The following COL18A1 variants were observed in gnomAD, a reference collection of about 807,000 sequenced individuals.
COL18A1 encodes collagen type XVIII alpha 1 chain.
A neutral mutation model predicts 168.0 loss-of-function variants in COL18A1; 133 were observed. The observed-to-expected ratio is 0.79, with a 90% confidence interval of 0.69 to 0.91. The LOEUF is 0.91. Among genes scored for constraint, COL18A1 ranks in the 40% least tolerant of loss-of-function variants. The pLI is 0.00. For synonymous variants in COL18A1, 949 were observed against 809.0 expected (o/e 1.17, Z -2.94); for missense variants, 2,126 against 1,925.4 (o/e 1.10, Z -1.95).
chr21:45,474,230 G>A (rs2145909773), intron 4 of COL18A1, among the ~76,000 whole-genome samples: 1 of 151,618 alleles, frequency 6.6e-6, no homozygotes, highest in East Asian at 1.9e-4. Context: ...TGAGACAGAG[G>A]ATGTGAGGCA....
chr21:45,505,443 G>C lies in COL18A1; in HGVS notation c.3087+12G>C, dbSNP rs1329266541. 1 of 1,484,232 alleles carries C rather than the reference G, an allele frequency of 6.7e-7. No individual in the cohort carries two copies. The highest frequency in any genetic ancestry group is 2.3e-5 in the East Asian group (1 of 43,472). The allele number at this position is 1,484,232 out of a possible 1,614,324, so 91.9% of individuals were successfully genotyped here. On this transcript the variant is annotated intron_variant, in intron 36 of 41. Coordinates refer to ENST00000651438, the MANE Select transcript of COL18A1 (RefSeq NM_001379500.1). ...GCGCCTCCTCAGGGGTAAGTGTCTG[G>C]GCAGCCGGCTGGGCACCTGCGTCCC... is the stretch of plus-strand genomic sequence containing the variant.
chr21:45,501,175 G>A (rs1327262537), intron 32 of COL18A1, among the ~76,000 whole-genome samples: 1 of 151,926 alleles, frequency 6.6e-6, no homozygotes, highest in Non-Finnish European at 1.5e-5. Flanking sequence ...AATGTTCATT[G>A]AGACAACGGA....
At chr21:45,464,843 G>C (rs570252762) in intron 2 of COL18A1, among the ~76,000 whole-genome samples, 6 of 152,214 alleles carry the variant, frequency 3.9e-5, no homozygotes, top group Non-Finnish European at 2.9e-5. Context: ...TCCACAGCCT[G>C]AGTCCCAGCT....
Position 45,455,424 on chromosome 21 carries a change from G to A in COL18A1, c.107-12818G>A, listed in dbSNP as rs1248999536. 6.6e-6 allele frequency: 10 copies of A among 1,514,788 alleles called. No individual in the cohort carries two copies. The East Asian group carries it at 1.8e-4, about 28-fold the overall frequency. The allele number at this position is 1,514,788 out of a possible 1,614,324, so 93.8% of individuals were successfully genotyped here. A position where few individuals can be genotyped will look rare whatever the true frequency, so the allele number is the denominator to read the frequency against. ...GGGGGGTGGAAGACAGCCGGCCAGAGGCTGGGAAGCCTGCACAGGGGAGGG... is the reference window on the plus strand; with the variant it reads ...GGGGGGTGGAAGACAGCCGGCCAGAAGCTGGGAAGCCTGCACAGGGGAGGG... On this transcript the variant is annotated intron_variant, in intron 2 of 41. Transcript: ENST00000651438.
rs564177489 is a variant in COL18A1 at position 45,492,640 on chromosome 21, G to A, written c.2188-47G>A. On this transcript the variant is annotated intron_variant, in intron 23 of 41. Transcript: ENST00000651438. ...AAGGCTGGGTGGGGTCCGGGCAGGC[G>A]CGAGGGTGCGTGATGACCCCAGCTG... 48 of 1,610,556 alleles carry A rather than the reference G, an allele frequency of 3.0e-5. No individual in the cohort carries two copies. The East Asian group carries it at 3.8e-4, about 13-fold the overall frequency.
At chr21:45,505,554 G>A (rs939417961) in intron 36 of COL18A1, 123 bp downstream of exon 36, 36 of 701,164 alleles carry the variant, frequency 5.1e-5, no homozygotes, top group South Asian at 4.0e-4. Context: ...GCCAAGATGC[G>A]GTTTCCAGGG....
rs371143353 is a variant in COL18A1 at position 45,438,262 on chromosome 21, TCA to T, written c.107-29976_107-29975del. Among the ~76,000 whole-genome samples the T allele has an allele frequency of 1.5e-4, 6 of 39,658 alleles. No homozygotes were observed. In the East Asian group the frequency reaches 2.4e-3, roughly 16 times the overall value. 26.0% of individuals were successfully genotyped at this position (39,658 alleles called of 152,430 possible). On this transcript the variant is annotated intron_variant, in intron 2 of 41. Transcript: ENST00000651438. ...GGCACTCTCCTGCACACACACACAC[TCA>T]CACTCAGACACACAGGCACTCTCCT...
chr21:45,455,879 G>A lies in COL18A1; in HGVS notation c.107-12363G>A, dbSNP rs557923229. The A allele has an allele frequency of 9.1e-5, 147 of 1,613,088 alleles. No homozygotes were observed. The highest frequency in any genetic ancestry group is 1.1e-4 in the Non-Finnish European group (134 of 1,180,020). ...CGGTGTCGGAGCCGAGATCCTGAAC[G>A]TGGCCAAAGGCATCCGGAGCTTCGT... On this transcript the variant is annotated intron_variant, in intron 2 of 41. Transcript: ENST00000651438.
In COL18A1 at chr21:45,473,810, C is replaced by T. The variant is rs1348056691; in HGVS notation, c.652-85C>T. The stretch of plus-strand genomic sequence containing the variant: ...GAGACTCTCCTGCCCTTTGTGGGCC[C>T]CCCGAAATCTGGAGCTCAAGCAGCA... On this transcript the variant is annotated intron_variant, in intron 3 of 41. Transcript: ENST00000651438. This position sits in a 1 kb window ranked among gnomAD's most constrained non-coding sequence, Gnocchi z 4.0. 10 of 1,150,742 alleles carry T rather than the reference C, an allele frequency of 8.7e-6. No individual in the cohort carries two copies. The highest frequency in any genetic ancestry group is 3.1e-5 in the African/African-American group (2 of 65,424). 71.3% of individuals were successfully genotyped at this position (1,150,742 alleles called of 1,614,324 possible). A position where few individuals can be genotyped will look rare whatever the true frequency, so the allele number is the denominator to read the frequency against.
chr21:45,448,732 C>T (rs1396682995), intron 2 of COL18A1, among the ~76,000 whole-genome samples: 2 of 152,248 alleles, frequency 1.3e-5, no homozygotes, highest in East Asian at 3.8e-4. Flanking sequence ...AGGTCGTCTT[C>T]AGATGCGCTC....
In COL18A1 at chr21:45,482,351, G is replaced by A. The variant is rs540170799; in HGVS notation, c.1674+326G>A. On this transcript the variant is annotated intron_variant, in intron 14 of 41. Transcript: ENST00000651438. ...CTCTGTCGGACTGACGCAAGGAGCCGGGGCCCCAGGCGTTTGTGGGTGGAC... is the reference window on the plus strand; with the variant it reads ...CTCTGTCGGACTGACGCAAGGAGCCAGGGCCCCAGGCGTTTGTGGGTGGAC... 98 of 678,430 alleles carry A rather than the reference G, an allele frequency of 1.4e-4. No individual in the cohort carries two copies. The East Asian group carries it at 2.8e-3, about 19-fold the overall frequency. 42.0% of individuals were successfully genotyped at this position (678,430 alleles called of 1,614,324 possible).
At chr21:45,467,571 G>C (rs555732482) in intron 2 of COL18A1, 12,475 of 468,942 alleles carry the variant, frequency 0.027, 220 homozygotes, top group Middle Eastern at 0.045. Context: ...GTGAAATCCC[G>C]CACCGTGTCC....
chr21:45,449,232 G>A (rs2034569038), intron 2 of COL18A1, among the ~76,000 whole-genome samples: 1 of 152,206 alleles, frequency 6.6e-6, no homozygotes, highest in African/African-American at 2.4e-5. Flanking sequence ...CCGAGGGGAG[G>A]GCCTGGCTCA....
At chr21:45,409,627 G>A (rs1205305807) in intron 2 of COL18A1, among the ~76,000 whole-genome samples, 1 of 152,190 alleles carries the variant, frequency 6.6e-6, no homozygotes, top group Non-Finnish European at 1.5e-5. Context: ...CATAGGCCAG[G>A]ACCTGTCCAA....
chr21:45,456,777 A>G (rs1417900556), intron 2 of COL18A1: 1 of 1,542,594 alleles, frequency 6.5e-7, no homozygotes, highest in Non-Finnish European at 8.7e-7. Context: ...GAGGCCCTGC[A>G]GGATGCGTGT....
At chr21:45,421,417 G>C (rs564192298) in intron 2 of COL18A1, 35 of 534,358 alleles carry the variant, frequency 6.5e-5, no homozygotes, top group Non-Finnish European at 1.3e-4. Context: ...GAGTCCGCCC[G>C]TGTGGAAGTG....
At chr21:45,445,384 A>G (rs116045728) in intron 2 of COL18A1, among the ~76,000 whole-genome samples, 6,460 of 152,208 alleles carry the variant, frequency 0.042, 176 homozygotes, top group African/African-American at 0.074. Flanking sequence ...AGCGGTGTCC[A>G]CCTTTTAGCT....
At chr21:45,505,608 G>C (rs1044264938) in intron 36 of COL18A1, among the ~76,000 whole-genome samples, 177 bp downstream of exon 36, 2 of 152,144 alleles carry the variant, frequency 1.3e-5, no homozygotes, top group African/African-American at 4.8e-5. Context: ...GGACCCAGGA[G>C]GACGACCACC....
rs2033705593 is a variant in COL18A1, at chr21:45,423,983, A to AC, written c.106+18511dup. The AC allele has an allele frequency of 6.6e-6, 1 of 152,258 alleles. No homozygotes were observed. Among genetic ancestry groups the AC allele is most frequent in the African/African-American group, 2.4e-5 (1 of 41,442 alleles). 9.4% of individuals were successfully genotyped at this position (152,258 alleles called of 1,614,324 possible). ...CCTCCCAGTGAATTCTGATGCACAGACAGGGGCCTGTCCTGCCAGCAGGTC... is the reference window on the plus strand; with the variant it reads ...CCTCCCAGTGAATTCTGATGCACAGACCAGGGGCCTGTCCTGCCAGCAGGTC... On this transcript the variant is annotated intron_variant, in intron 2 of 41. Coordinates refer to ENST00000651438, the MANE Select transcript of COL18A1 (RefSeq NM_001379500.1). This position sits in a 1 kb window ranked among gnomAD's most constrained non-coding sequence, Gnocchi z 4.0.
Sources: allele counts gnomAD v4.1 joint callset (sites outside exome capture counted in the v4.1 genomes callset), GRCh38; gene constraint gnomAD v4.1.1; non-coding constraint Gnocchi (gnomAD v3.1); transcripts MANE v1.5; gene names NCBI Gene and HGNC (gene_info 2026-07-23, HGNC 2026-07-21).